The following AGMO variants were observed in gnomAD, a reference collection of about 807,000 sequenced individuals.
AGMO encodes the protein alkylglycerol monooxygenase.
A neutral mutation model predicts 60.2 loss-of-function variants in AGMO; 75 were observed. The observed-to-expected ratio is 1.25, with a 90% CI of 1.03 to 1.51. AGMO has a LOEUF of 1.51. Among genes scored for constraint, AGMO ranks in the 40% most tolerant of loss-of-function variants. The probability of loss-of-function intolerance (pLI) is 0.00; values close to 1 mark genes in which losing one functional copy is unlikely to be tolerated. For synonymous variants in AGMO, 261 were observed against 177.1 expected, an observed-to-expected ratio of 1.47 and a Z score of -3.76; for missense variants, 763 against 525.5, an observed-to-expected ratio of 1.45 and a Z score of -4.42.
At chr7:15,467,102 C>A (rs557963348) in intron 3 of AGMO, among the ~76,000 whole-genome samples, 1 of 152,088 alleles carries the variant, frequency 6.6e-6, no homozygotes, top group Non-Finnish European at 1.5e-5. Flanking sequence ...AAATATATAA[C>A]AAAGAGTGAA....
At chr7:15,312,510 T>C (rs1334433610) in intron 12 of AGMO, among the ~76,000 whole-genome samples, 1 of 142,462 alleles carries the variant, frequency 7.0e-6, no homozygotes, top group Non-Finnish European at 1.5e-5. Context: ...ACAGCTGCCA[T>C]TGTAGAATTC....
intron 12 of AGMO, among the ~76,000 whole-genome samples, chr7:15,349,227 A>G (rs1233733302): frequency 6.6e-6 from 1 of 152,172 alleles, no homozygotes; most frequent in African/African-American, 2.4e-5. Context: ...TACATTAAAG[A>G]TAACTGGCTT....
At chr7:15,215,457 C>T (rs563393135) in intron 12 of AGMO, among the ~76,000 whole-genome samples, 1 of 152,018 alleles carries the variant, frequency 6.6e-6, no homozygotes, top group Admixed American at 6.6e-5. Flanking sequence ...GGAATTCTCC[C>T]CCATGAGTTT....
intron 8 of AGMO, among the ~76,000 whole-genome samples, chr7:15,388,762 T>G (rs188978978): frequency 2.0e-5 from 3 of 152,146 alleles, no homozygotes; most frequent in Non-Finnish European, 2.9e-5. Context: ...TACCTGTATA[T>G]AAAGGAATGG....
chr7:15,119,991 C>T, the AGMO span, among the ~76,000 whole-genome samples: 2 of 150,316 alleles, frequency 1.3e-5, no homozygotes, highest in Admixed American at 1.3e-4. Flanking sequence ...TCTCCTGGAT[C>T]GCCTACTTAA....
chr7:15,346,040 T>C (rs1261630346), intron 12 of AGMO, among the ~76,000 whole-genome samples: 5 of 152,142 alleles, frequency 3.3e-5, no homozygotes, highest in African/African-American at 1.2e-4. Context: ...AGCAAAGAGA[T>C]AGTCATTGAA....
intron 12 of AGMO, among the ~76,000 whole-genome samples, chr7:15,342,172 T>TAAAAACAA (rs1781874763): frequency 1.8e-5 from 1 of 54,310 alleles, no homozygotes; most frequent in Admixed American, 2.5e-4. Context: ...CCCACAGAGT[T>TAAAAACAA]AAAAAAAAAA....
In AGMO at chr7:15,390,661, A is replaced by T. The variant is rs1306652301; in HGVS notation, c.822+10T>A. On this transcript the variant is annotated intron_variant, in intron 8 of 12. Transcript: ENST00000342526. ...ATAAATGAAGAAAGAATAAAAAACA[A>T]GTATGTTACCTGCACTTTGATTGGT... 4 of 1,554,682 alleles carry T rather than the reference A, an allele frequency of 2.6e-6. No homozygotes were observed. The highest frequency in any genetic ancestry group is 8.8e-7 in the Non-Finnish European group (1 of 1,139,706).
intron 3 of AGMO, among the ~76,000 whole-genome samples, chr7:15,531,207 CTATATATTCTATATATATTCTATA>C (rs1784328764): frequency 1.6e-5 from 1 of 62,994 alleles, no homozygotes; most frequent in Non-Finnish European, 2.7e-5. Context: ...TATATATATT[CTATATATTCTATATATATTCTATA>C]TATATATTCT....
chr7:15,472,913 G>T (rs1782487310), intron 3 of AGMO, among the ~76,000 whole-genome samples: 2 of 151,800 alleles, frequency 1.3e-5, no homozygotes, highest in Admixed American at 6.6e-5. Context: ...AGGAAACAAA[G>T]CAATAGGAAA....
At chr7:15,235,446 T>C (rs898628800) in intron 12 of AGMO, among the ~76,000 whole-genome samples, 1 of 152,114 alleles carries the variant, frequency 6.6e-6, no homozygotes, top group Non-Finnish European at 1.5e-5. Context: ...AAATTTAAGG[T>C]TTCTTCATTT....
At chr7:15,124,192 C>A in the AGMO span, among the ~76,000 whole-genome samples, 5 of 151,952 alleles carry the variant, frequency 3.3e-5, no homozygotes, top group Non-Finnish European at 7.4e-5. Context: ...CCAAACCGAC[C>A]AACCACCCAA....
intron 12 of AGMO, among the ~76,000 whole-genome samples, chr7:15,333,588 C>T (rs1480947813): frequency 3.0e-5 from 4 of 131,270 alleles, no homozygotes; most frequent in Admixed American, 8.4e-5. Flanking sequence ...TCTATAGAGA[C>T]GAACTACTGA....
chr7:15,558,347 G>C (rs1785206253), intron 2 of AGMO, among the ~76,000 whole-genome samples: 1 of 151,728 alleles, frequency 6.6e-6, no homozygotes, highest in African/African-American at 2.4e-5. Flanking sequence ...GTATATACAG[G>C]GCAATTTTCA....
At chr7:15,299,161 A>G (rs892124236) in intron 12 of AGMO, among the ~76,000 whole-genome samples, 2 of 151,812 alleles carry the variant, frequency 1.3e-5, no homozygotes, top group African/African-American at 2.4e-5. Context: ...TTTTTGCTAC[A>G]TATGAGTTAT....
At chr7:15,217,581 T>C (rs1348669149) in intron 12 of AGMO, among the ~76,000 whole-genome samples, 5 of 151,482 alleles carry the variant, frequency 3.3e-5, no homozygotes, top group Admixed American at 2.6e-4. Flanking sequence ...AGCAGGTAAA[T>C]TTAAACATAC....
chr7:15,320,208 A>G (rs1457266402), intron 12 of AGMO, among the ~76,000 whole-genome samples: 1 of 152,130 alleles, frequency 6.6e-6, no homozygotes, highest in Non-Finnish European at 1.5e-5. Context: ...ACACGTATAC[A>G]TATGTAACAA....
chr7:15,238,492 C>T (rs1423233328), intron 12 of AGMO, among the ~76,000 whole-genome samples: 3 of 151,706 alleles, frequency 2.0e-5, no homozygotes, highest in East Asian at 3.9e-4. Flanking sequence ...GATCATTATA[C>T]ATTATACACA....
At chr7:15,192,984 T>C in the AGMO span, among the ~76,000 whole-genome samples, 1 of 152,214 alleles carries the variant, frequency 6.6e-6, no homozygotes, top group Admixed American at 6.5e-5. Flanking sequence ...CTCTAATCAG[T>C]TTTCTTAGTC....
Sources: gnomAD v4.1 joint callset for allele counts (sites outside exome capture counted in the v4.1 genomes callset) on GRCh38, gnomAD v4.1.1 for gene constraint, MANE v1.5 for transcripts, NCBI Gene and HGNC (gene_info 2026-07-23, HGNC 2026-07-21) for gene names.